Variants in CIMAP2 observed in about 807,000 individuals in gnomAD.
CIMAP2 encodes ciliary microtubule associated protein 2.
chr1:54,811,765 G>GCGGGGGGGGGGGGGGGGGGGGGCCCC, the CIMAP2 span: 1 of 1,301,332 alleles, frequency 7.7e-7, no homozygotes, highest in Non-Finnish European at 1.1e-6. Context: ...GGTTCTGACA[G>GCGGGGGGGGGGGGGGGGGGGGGCCCC]CCTCCATGCC....
chr1:54,836,129 G>A, the CIMAP2 span, among the ~76,000 whole-genome samples: 1 of 152,064 alleles, frequency 6.6e-6, no homozygotes, highest in Admixed American at 6.5e-5. Flanking sequence ...GGACACAGAA[G>A]TCAGGTGGTT....
At chr1:54,816,844 G>A in the CIMAP2 span, 1 of 1,093,634 alleles carries the variant, frequency 9.1e-7, no homozygotes, top group Non-Finnish European at 1.3e-6. Flanking sequence ...GTTGCTCGGG[G>A]TTGGGACCTC....
At chr1:54,811,765 G>GCGGGGGGGGGGGGGGCCCCCCCCCCCCC in the CIMAP2 span, 4 of 1,301,322 alleles carry the variant, frequency 3.1e-6, no homozygotes, top group South Asian at 1.2e-5. Context: ...GGTTCTGACA[G>GCGGGGGGGGGGGGGGCCCCCCCCCCCCC]CCTCCATGCC....
the CIMAP2 span, chr1:54,807,218 C>G: frequency 1.0e-6 from 1 of 995,258 alleles, no homozygotes; most frequent in Non-Finnish European, 1.6e-6. Flanking sequence ...GCTGGACCCA[C>G]AGTGGGGGCT....
the CIMAP2 span, chr1:54,807,761 T>C: frequency 6.6e-7 from 1 of 1,519,454 alleles, no homozygotes. Context: ...CTGCTCTGTG[T>C]GGCCTTCAGT....
the CIMAP2 span, chr1:54,813,974 T>G: frequency 6.3e-7 from 1 of 1,597,764 alleles, no homozygotes; most frequent in South Asian, 1.1e-5. Flanking sequence ...CCCCGCACAC[T>G]GGTGAGTTCA....
chr1:54,815,876 C>G, the CIMAP2 span, among the ~76,000 whole-genome samples: 1 of 150,344 alleles, frequency 6.7e-6, no homozygotes, highest in Admixed American at 6.6e-5. Context: ...GCCTGTTCTC[C>G]TGACTTCCAG....
the CIMAP2 span, chr1:54,806,169 C>T: frequency 1.9e-6 from 3 of 1,552,060 alleles, no homozygotes; most frequent in Non-Finnish European, 2.6e-6. Flanking sequence ...CGCGTCGGCT[C>T]CACGGCCACC....
the CIMAP2 span, among the ~76,000 whole-genome samples, chr1:54,822,814 A>C: frequency 6.6e-6 from 1 of 152,130 alleles, no homozygotes; most frequent in Admixed American, 6.5e-5. Flanking sequence ...CCTCTTTCTT[A>C]ATTTATTCCT....
chr1:54,828,676 G>A, the CIMAP2 span, among the ~76,000 whole-genome samples: 2 of 151,214 alleles, frequency 1.3e-5, no homozygotes, highest in Middle Eastern at 3.4e-3. Flanking sequence ...TTTTATTTTC[G>A]AGGGCTCTTT....
chr1:54,814,270 C>T, the CIMAP2 span, among the ~76,000 whole-genome samples: 46 of 152,224 alleles, frequency 3.0e-4, 1 homozygote, highest in Admixed American at 2.9e-3. Flanking sequence ...CAGTGCCGAC[C>T]TTCCCCCTGC....
the CIMAP2 span, chr1:54,813,989 T>G: frequency 6.4e-7 from 1 of 1,568,122 alleles, no homozygotes; most frequent in South Asian, 1.2e-5. Context: ...AGTTCACTCC[T>G]ATGGCCGGCC....
chr1:54,820,445 T>C, the CIMAP2 span, among the ~76,000 whole-genome samples: 1 of 152,090 alleles, frequency 6.6e-6, no homozygotes, highest in Non-Finnish European at 1.5e-5. Flanking sequence ...CCCAAAGTGC[T>C]GGGATTACAG....
chr1:54,822,974 CT>C, the CIMAP2 span, among the ~76,000 whole-genome samples: 3 of 152,222 alleles, frequency 2.0e-5, no homozygotes, highest in East Asian at 5.8e-4. Context: ...TTTGTTGTGA[CT>C]TGTTTCATGG....
chr1:54,834,881 A>T, the CIMAP2 span, among the ~76,000 whole-genome samples: 5 of 151,998 alleles, frequency 3.3e-5, no homozygotes, highest in Non-Finnish European at 7.4e-5. Flanking sequence ...TTTTCAGATA[A>T]GGGAAGCTCA....
chr1:54,837,600 G>A, the CIMAP2 span, among the ~76,000 whole-genome samples: 1 of 152,166 alleles, frequency 6.6e-6, no homozygotes, highest in Non-Finnish European at 1.5e-5. Context: ...CCTGCCCAGT[G>A]GTGGGACAGT....
At chr1:54,835,135 A>G in the CIMAP2 span, among the ~76,000 whole-genome samples, 3 of 152,236 alleles carry the variant, frequency 2.0e-5, no homozygotes, top group South Asian at 4.1e-4. Context: ...TAACGACAGT[A>G]ATAAATTATT....
the CIMAP2 span, among the ~76,000 whole-genome samples, chr1:54,821,877 CTCT>C: frequency 7.5e-6 from 1 of 133,968 alleles, no homozygotes; most frequent in African/African-American, 2.8e-5. Flanking sequence ...ATTTAGATGC[CTCT>C]TATTTCTTTT....
At chr1:54,807,769 A>G in the CIMAP2 span, 1 of 1,514,360 alleles carries the variant, frequency 6.6e-7, no homozygotes, top group South Asian at 1.3e-5. Flanking sequence ...TGTGGCCTTC[A>G]GTGTCCTCCC....
Sources: allele counts gnomAD v4.1 joint callset (sites outside exome capture counted in the v4.1 genomes callset), GRCh38; gene constraint gnomAD v4.1.1; transcripts MANE v1.5; gene names NCBI Gene and HGNC (gene_info 2026-07-23, HGNC 2026-07-21).